The following IQCM variants were observed in gnomAD, a reference collection of about 807,000 sequenced individuals.
IQCM encodes IQ domain-containing protein M.
IQCM carries 45 observed loss-of-function variants against 57.6 expected under a neutral mutation model. The observed-to-expected ratio is 0.78, with a 90% confidence interval of 0.62 to 1.00. IQCM has a LOEUF of 1.00. IQCM is among the 50% of genes least tolerant of loss of function. IQCM has a pLI of 0.00. For synonymous variants in IQCM, 148 were observed against 158.9 expected, an observed-to-expected ratio of 0.93 and a Z score of 0.51; for missense variants, 468 against 511.6, an observed-to-expected ratio of 0.91 and a Z score of 0.82.
At chr4:149,379,806 G>A (rs1730952161) in intron 13 of IQCM, among the ~76,000 whole-genome samples, 1 of 152,140 alleles carries the variant, frequency 6.6e-6, no homozygotes, top group Non-Finnish European at 1.5e-5. Context: ...AGATTTGGAA[G>A]GGGCCAAGTG....
chr4:149,640,858 T>G (rs943747674), intron 7 of IQCM, among the ~76,000 whole-genome samples: 2 of 152,208 alleles, frequency 1.3e-5, no homozygotes, highest in East Asian at 3.8e-4. Flanking sequence ...CCAGGCGCAG[T>G]GGCTCACATC....
At chr4:149,609,055 G>A (rs1249402030) in intron 8 of IQCM, among the ~76,000 whole-genome samples, 4 of 151,524 alleles carry the variant, frequency 2.6e-5, no homozygotes, top group Non-Finnish European at 5.9e-5. Context: ...AGATGAAAAA[G>A]GAGATATTCC....
intron 3 of IQCM, among the ~76,000 whole-genome samples, chr4:149,739,913 T>C (rs940829041): frequency 3.3e-5 from 5 of 152,164 alleles, no homozygotes; most frequent in African/African-American, 1.2e-4. Context: ...TCTCTACTAC[T>C]TTAGAGGTTC....
intron 9 of IQCM, among the ~76,000 whole-genome samples, chr4:149,583,457 A>G (rs1056684997): frequency 5.9e-5 from 9 of 151,602 alleles, no homozygotes; most frequent in Admixed American, 5.9e-4. Flanking sequence ...ATCAATTGTT[A>G]TATTCTATAC....
intron 9 of IQCM, among the ~76,000 whole-genome samples, chr4:149,570,576 A>G (rs905336455): frequency 6.6e-5 from 10 of 152,224 alleles, no homozygotes; most frequent in Non-Finnish European, 1.3e-4. Context: ...CCTAACCTCA[A>G]TGAAAAAACT....
intron 12 of IQCM, among the ~76,000 whole-genome samples, chr4:149,434,470 A>T (rs1735158909): frequency 6.6e-6 from 1 of 152,118 alleles, no homozygotes; most frequent in Admixed American, 6.6e-5. Context: ...GCCTAGAAAC[A>T]CTTTAAAGAA....
intron 3 of IQCM, among the ~76,000 whole-genome samples, chr4:149,742,391 A>C (rs1767538256): frequency 6.6e-6 from 1 of 152,212 alleles, no homozygotes; most frequent in South Asian, 2.1e-4. Context: ...AATTTAAATT[A>C]AATATTCAGT....
chr4:149,727,862 TG>T (rs1426621895), intron 5 of IQCM, among the ~76,000 whole-genome samples: 2 of 152,238 alleles, frequency 1.3e-5, no homozygotes, highest in African/African-American at 4.8e-5. Context: ...ACGGCCTGCA[TG>T]CAGTGGTGTG....
intron 12 of IQCM, among the ~76,000 whole-genome samples, chr4:149,540,432 C>T (rs975525367): frequency 5.9e-5 from 9 of 151,544 alleles, no homozygotes; most frequent in Non-Finnish European, 2.9e-5. Flanking sequence ...ATTCTATTTA[C>T]AAGAAATTTT....
intron 9 of IQCM, among the ~76,000 whole-genome samples, chr4:149,580,204 T>G (rs2149982555): frequency 6.6e-6 from 1 of 151,948 alleles, no homozygotes; most frequent in East Asian, 2.0e-4. Context: ...TTAGTTAAAT[T>G]TTCTGGGCTC....
At chr4:149,647,154 G>T (rs1758715207) in intron 7 of IQCM, among the ~76,000 whole-genome samples, 1 of 151,966 alleles carries the variant, frequency 6.6e-6, no homozygotes, top group Admixed American at 6.6e-5. Context: ...AAGTGATATT[G>T]TAGATACTAA....
chr4:149,505,337 T>C (rs575079125), intron 12 of IQCM, among the ~76,000 whole-genome samples: 2 of 152,302 alleles, frequency 1.3e-5, no homozygotes, highest in African/African-American at 2.4e-5. Flanking sequence ...TTCTTAAAGG[T>C]GTTCTATACT....
At chr4:149,712,724 C>T (rs953035018) in intron 5 of IQCM, among the ~76,000 whole-genome samples, 2 of 152,120 alleles carry the variant, frequency 1.3e-5, no homozygotes, top group Non-Finnish European at 2.9e-5. Context: ...CTTAATACCT[C>T]TCCAGAATGG....
At chr4:149,760,605 A>G (rs1162002733) in intron 2 of IQCM, among the ~76,000 whole-genome samples, 1 of 152,068 alleles carries the variant, frequency 6.6e-6, no homozygotes, top group Non-Finnish European at 1.5e-5. Context: ...GCCAGAAATA[A>G]TGATTATTTT....
At chr4:149,529,701 C>T (rs902140833) in intron 12 of IQCM, among the ~76,000 whole-genome samples, 3 of 152,144 alleles carry the variant, frequency 2.0e-5, no homozygotes, top group African/African-American at 7.2e-5. Context: ...ATCCATCATT[C>T]TCATCATACC....
chr4:149,666,221 G>A (rs531683624), intron 7 of IQCM: 1 of 152,348 alleles, frequency 6.6e-6, no homozygotes, highest in Non-Finnish European at 1.5e-5. Context: ...TTCCAACTGA[G>A]GTACCTGGTT....
chr4:149,397,827 C>T (rs1004061118), intron 13 of IQCM, among the ~76,000 whole-genome samples: 31 of 151,746 alleles, frequency 2.0e-4, no homozygotes, highest in African/African-American at 6.8e-4. Flanking sequence ...AGAGATTAAC[C>T]CCTTATCAGA....
At chr4:149,470,192 A>C (rs1005004927) in intron 12 of IQCM, among the ~76,000 whole-genome samples, 1 of 152,158 alleles carries the variant, frequency 6.6e-6, no homozygotes, top group Admixed American at 6.5e-5. Context: ...TTGGTTGAAG[A>C]GTCAAGACCC....
At chr4:149,661,393 G>A (rs1009877938) in intron 7 of IQCM, among the ~76,000 whole-genome samples, 32 of 151,994 alleles carry the variant, frequency 2.1e-4, no homozygotes, top group African/African-American at 5.3e-4. Flanking sequence ...ATCTATGTTC[G>A]TCAAGGATAT....
Sources: gnomAD v4.1 joint callset for allele counts (sites outside exome capture counted in the v4.1 genomes callset) on GRCh38, gnomAD v4.1.1 for gene constraint, MANE v1.5 for transcripts, NCBI Gene and HGNC (gene_info 2026-07-23, HGNC 2026-07-21) for gene names.